Variants in TBC1D5 observed in about 807,000 individuals in gnomAD.
TBC1D5 encodes TBC1 domain family, member 5.
Under a neutral mutation model 100.3 loss-of-function variants are expected in TBC1D5, and 75 were observed. The ratio of observed to expected loss-of-function variants is 0.75; its 90% confidence interval spans 0.62 to 0.91. TBC1D5 has a LOEUF of 0.91. Ranked by LOEUF, TBC1D5 falls within the 40% of genes least tolerant of loss-of-function variation. The pLI is 0.00. For synonymous variants in TBC1D5, 323 were observed against 325.6 expected (o/e 0.99, Z 0.09); for missense variants, 910 against 942.4 (o/e 0.97, Z 0.45).
At chr3:17,261,212 G>T (rs2078249056) in intron 15 of TBC1D5, among the ~76,000 whole-genome samples, 1 of 152,042 alleles carries the variant, frequency 6.6e-6, no homozygotes, top group Admixed American at 6.5e-5. Flanking sequence ...ATTAAATAAG[G>T]TTTTAAAAAG....
intron 3 of TBC1D5, among the ~76,000 whole-genome samples, chr3:17,495,590 AC>A (rs1448908288): frequency 6.6e-6 from 1 of 152,216 alleles, no homozygotes; most frequent in East Asian, 1.9e-4. Flanking sequence ...AAATATAACA[AC>A]TTATTCTTCC....
chr3:17,658,432 G>A (rs375664246), intron 1 of TBC1D5, among the ~76,000 whole-genome samples: 6 of 152,088 alleles, frequency 3.9e-5, no homozygotes, highest in Admixed American at 1.3e-4. Context: ...TCAGCAGTCC[G>A]AAACAGGAAA....
At position 17,696,075 on chromosome 3, in the gene TBC1D5, G is replaced by C. The variant is rs149471742; in HGVS notation, c.-101+43268C>G. Among the ~76,000 whole-genome samples the C allele has an allele frequency of 2.5e-3, 378 of 152,236 alleles. 2 individuals are homozygous for C. The highest frequency in any genetic ancestry group is 8.3e-3 in the African/African-American group (346 of 41,532). ...ATGAGAACAAAGACACAATGTACCA[G>C]AATCTCTGGGACATATTTAAAGCAG... On this transcript the variant is annotated intron_variant, in intron 1 of 21. Transcript: ENST00000253692.
intron 4 of TBC1D5, among the ~76,000 whole-genome samples, chr3:17,410,901 T>A (rs1386677503): frequency 6.6e-6 from 1 of 152,162 alleles, no homozygotes; most frequent in Non-Finnish European, 1.5e-5. Context: ...GAATTTAGAA[T>A]ATTTAATAAA....
chr3:17,219,805 C>T (rs747809815), intron 17 of TBC1D5, among the ~76,000 whole-genome samples: 4 of 152,054 alleles, frequency 2.6e-5, no homozygotes, highest in African/African-American at 4.8e-5. Flanking sequence ...TACTAAGATT[C>T]AGCCAGTTTT....
At chr3:17,224,269 T>A (rs1482566559) in intron 17 of TBC1D5, among the ~76,000 whole-genome samples, 1 of 152,224 alleles carries the variant, frequency 6.6e-6, no homozygotes, top group African/African-American at 2.4e-5. Flanking sequence ...CTACCATAAA[T>A]GTTTGCTGAT....
intron 13 of TBC1D5, chr3:17,338,449 C>A (rs921363070): frequency 3.3e-5 from 5 of 152,320 alleles, no homozygotes; most frequent in Admixed American, 2.6e-4. Flanking sequence ...TACTCCGTAC[C>A]TCCAAGGTGC....
chr3:17,214,832 A>T (rs2073432038), intron 17 of TBC1D5, among the ~76,000 whole-genome samples: 1 of 152,128 alleles, frequency 6.6e-6, no homozygotes. Context: ...CTGGTAAGGG[A>T]AAGTGTCACT....
chr3:17,414,727 G>A (rs1449349342), intron 4 of TBC1D5, among the ~76,000 whole-genome samples: 2 of 152,096 alleles, frequency 1.3e-5, no homozygotes, highest in African/African-American at 4.8e-5. Context: ...AGGTAATGAG[G>A]GAACTCACGA....
At chr3:17,691,728 A>G (rs373452421) in intron 1 of TBC1D5, among the ~76,000 whole-genome samples, 1 of 152,150 alleles carries the variant, frequency 6.6e-6, no homozygotes, top group East Asian at 1.9e-4. Flanking sequence ...GAGGCAGGAG[A>G]ATCACTTGAA....
rs538268994 is a variant in TBC1D5 at position 17,350,885 on chromosome 3, A to T, written c.995+21190T>A. The stretch of plus-strand genomic sequence containing the variant: ...AACAGAATCATTTACTTTCAGATAC[A>T]ATCATGCAGTAACACCACAAGCTCC... On this transcript the variant is annotated intron_variant, in intron 13 of 21. Transcript: ENST00000253692. 5.3e-5 allele frequency among the ~76,000 whole-genome samples: 8 copies of T among 152,290 alleles called. No individual in the cohort carries two copies. In the East Asian group the frequency reaches 1.3e-3, roughly 26 times the overall value.
chr3:17,238,965 G>C (rs1414199002), intron 16 of TBC1D5, among the ~76,000 whole-genome samples: 1 of 152,086 alleles, frequency 6.6e-6, no homozygotes, highest in Non-Finnish European at 1.5e-5. Context: ...ATTCCTAAAA[G>C]TTATGTCCTT....
At chr3:17,494,050 G>A (rs1334294870) in intron 3 of TBC1D5, among the ~76,000 whole-genome samples, 1 of 152,146 alleles carries the variant, frequency 6.6e-6, no homozygotes, top group African/African-American at 2.4e-5. Flanking sequence ...TCTCATCTTT[G>A]TGGGTTTATC....
intron 1 of TBC1D5, among the ~76,000 whole-genome samples, chr3:17,624,782 A>C (rs931906144): frequency 1.3e-5 from 2 of 152,080 alleles, no homozygotes; most frequent in African/African-American, 2.4e-5. Flanking sequence ...CAAAACCACC[A>C]ATGAAAGACC....
At chr3:17,405,795 TTA>T (rs1228607917) in intron 5 of TBC1D5, among the ~76,000 whole-genome samples, 1 of 152,068 alleles carries the variant, frequency 6.6e-6, no homozygotes, top group Non-Finnish European at 1.5e-5. Context: ...CCCTAAAAAC[TTA>T]TGATAGAATT....
At chr3:17,481,863 C>A (rs1387332902) in intron 3 of TBC1D5, among the ~76,000 whole-genome samples, 1 of 152,188 alleles carries the variant, frequency 6.6e-6, no homozygotes, top group Non-Finnish European at 1.5e-5. Context: ...GCCTCAGCCT[C>A]CCAAGTAGCT....
At chr3:17,534,130 A>G (rs1560105417) in intron 2 of TBC1D5, among the ~76,000 whole-genome samples, 1 of 152,164 alleles carries the variant, frequency 6.6e-6, no homozygotes, top group African/African-American at 2.4e-5. Flanking sequence ...TTTTATGGAA[A>G]TGAGGGCCCC....
chr3:17,386,291 T>TG (rs2152273354), intron 8 of TBC1D5, among the ~76,000 whole-genome samples: 1 of 152,206 alleles, frequency 6.6e-6, no homozygotes, highest in Admixed American at 6.5e-5. Context: ...CTACACACAT[T>TG]GGCACAACCA....
chr3:17,204,974 G>A (rs1253540452), intron 18 of TBC1D5, among the ~76,000 whole-genome samples: 1 of 152,134 alleles, frequency 6.6e-6, no homozygotes, highest in Non-Finnish European at 1.5e-5. Context: ...TCCTGACCTT[G>A]AGTACGTTTA....
Sources: gnomAD v4.1 joint callset for allele counts (sites outside exome capture counted in the v4.1 genomes callset) on GRCh38, gnomAD v4.1.1 for gene constraint, MANE v1.5 for transcripts, NCBI Gene and HGNC (gene_info 2026-07-23, HGNC 2026-07-21) for gene names.